The following NCAPG variants were observed in gnomAD, a reference collection of about 807,000 sequenced individuals.
The protein encoded by NCAPG is condensin complex subunit 3.
In NCAPG, 69 loss-of-function variants were observed where a neutral mutation model predicts 113.1. The ratio of observed to expected loss-of-function variants is 0.61; its 90% CI spans 0.50 to 0.75. The LOEUF (loss-of-function observed/expected upper bound fraction) is 0.75. Among genes scored for constraint, NCAPG ranks in the 30% least tolerant of loss-of-function variants. NCAPG has a pLI of 0.00. For synonymous variants in NCAPG, 370 were observed against 415.8 expected, an observed-to-expected ratio of 0.89 and a Z score of 1.34; for missense variants, 1,058 against 1,177.0, an observed-to-expected ratio of 0.90 and a Z score of 1.48.
At chr4:17,816,514 C>T (rs1209407457) in intron 5 of NCAPG, among the ~76,000 whole-genome samples, 4 of 152,158 alleles carry the variant, frequency 2.6e-5, no homozygotes, top group Non-Finnish European at 4.4e-5. Context: ...AGTGAGAAAA[C>T]CGACTTGCGT....
At chr4:17,827,038 C>G (rs1393325692) in intron 11 of NCAPG, among the ~76,000 whole-genome samples, 2 of 152,170 alleles carry the variant, frequency 1.3e-5, no homozygotes, top group Non-Finnish European at 2.9e-5. Flanking sequence ...AGAAGTGGCT[C>G]TAGACTTGTG....
intron 19 of NCAPG, 129 bp from the exon 20 acceptor site, chr4:17,842,181 C>A: frequency 1.5e-6 from 1 of 688,856 alleles, no homozygotes; most frequent in Non-Finnish European, 2.5e-6. Flanking sequence ...ATGGCTAGAA[C>A]AAGTAGGAGA....
chr4:17,820,957 C>A lies in NCAPG; in HGVS notation c.1119-2026C>A, dbSNP rs948766477. On this transcript the variant is annotated intron_variant, in intron 7 of 20. Coordinates refer to ENST00000251496, the MANE Select transcript of NCAPG (RefSeq NM_022346.5). ...TTGAAAGCCATCTTAAATATAAATT[C>A]TTAGACTTTAAAATACTTTCTTGAG... 3.3e-5 allele frequency among the ~76,000 whole-genome samples: 5 copies of A among 152,088 alleles called. No individual in the cohort carries two copies. In the East Asian group the frequency reaches 9.6e-4, roughly 29 times the overall value.
At chr4:17,839,968 C>T (rs954025532) in intron 17 of NCAPG, 103 bp from the exon 18 acceptor site, 37 of 1,449,900 alleles carry the variant, frequency 2.6e-5, no homozygotes, top group Non-Finnish European at 3.3e-5. Flanking sequence ...TCATAAATTT[C>T]ATATAATTTA....
chr4:17,819,133 A>G (rs1721342611), intron 7 of NCAPG, among the ~76,000 whole-genome samples: 2 of 151,912 alleles, frequency 1.3e-5, no homozygotes, highest in African/African-American at 4.8e-5. Flanking sequence ...ATATTGGTGC[A>G]TATATAATGT....
chr4:17,837,314 C>A lies in NCAPG; in HGVS notation c.2265C>A (p.Phe755Leu). The A allele has an allele frequency of 6.2e-7, 1 of 1,613,508 alleles. No individual in the cohort carries two copies. Among genetic ancestry groups the A allele is most frequent in the Non-Finnish European group, 8.5e-7 (1 of 1,179,776 alleles). The part of the protein sequence containing the change: ...DVQLRHCLGV[F>L]FPVFAYASRT... ...AACTTCGACATTGCCTAGGCGTGTT[C>A]TTCCCCGTGTTTGCTTATGCAAGCA... Residue 755 changes from phenylalanine to leucine, a missense_variant, in exon 15 of 21, where the codon TTC becomes TTA. Transcript: ENST00000251496.
Position 17,840,540 on chromosome 4 carries a change from A to C in NCAPG, c.2768-67A>C, listed in dbSNP as rs73802704. 9.2e-4 allele frequency: 929 copies of C among 1,007,038 alleles called. 5 individuals are homozygous for C. The African/African-American group carries it at 0.012, about 14-fold the overall frequency. The allele number at this position is 1,007,038 out of a possible 1,614,324, so 62.4% of individuals were successfully genotyped here. A position where few individuals can be genotyped will look rare whatever the true frequency, so the allele number is the denominator to read the frequency against. ...TTTCAGTTTTATAAAAACTGGTCTTAAAAAGACAATTTAAAATATTTCATG... is the reference window on the plus strand; with the variant it reads ...TTTCAGTTTTATAAAAACTGGTCTTCAAAAGACAATTTAAAATATTTCATG... On this transcript the variant is annotated intron_variant, in intron 18 of 20. Coordinates refer to ENST00000251496, the MANE Select transcript of NCAPG (RefSeq NM_022346.5).
rs117130142 is a variant in NCAPG at position 17,838,497 on chromosome 4, G to A, written c.2466+696G>A. 6.2e-4 allele frequency among the ~76,000 whole-genome samples: 95 copies of A among 152,296 alleles called. 2 individuals are homozygous for A. In the East Asian group the frequency reaches 0.018, roughly 28 times the overall value. ...TTAAGCACTTCATGACTTGAGACAA[G>A]GGCAAGAGTCATGTGGTAGGAATGA... On this transcript the variant is annotated intron_variant, in intron 16 of 20. Coordinates refer to ENST00000251496, the MANE Select transcript of NCAPG (RefSeq NM_022346.5).
rs752155188 is a variant in NCAPG at position 17,840,181 on chromosome 4, G to C, written c.2739G>C (p.Leu913Phe). Residue 913 changes from leucine to phenylalanine, a missense_variant, in exon 18 of 21, where the codon TTG becomes TTC. Coordinates refer to ENST00000251496, the MANE Select transcript of NCAPG (RefSeq NM_022346.5). ...CTGAAGCAGCACAGGATGCCACCTTGACTACAACTACTTTCCAAAATGAAG... is the reference window on the plus strand; with the variant it reads ...CTGAAGCAGCACAGGATGCCACCTTCACTACAACTACTTTCCAAAATGAAG... ...DQAEAAQDATLTTTTFQNEDE... is the reference protein window; with the variant it reads ...DQAEAAQDATFTTTTFQNEDE... 3 of 1,605,138 alleles carry C rather than the reference G, an allele frequency of 1.9e-6. No individual in the cohort carries two copies. The highest frequency in any genetic ancestry group is 2.5e-6 in the Non-Finnish European group (3 of 1,176,752).
At position 17,825,410 on chromosome 4, in the gene NCAPG, A is replaced by C; in HGVS notation, c.1502A>C (p.Glu501Ala). Reference sequence around the variant, plus strand: ...GCTGAAATAAAAGTTAAGCTTATCGAAGCCAAAGAAGCTTTGGAAAATTGC... The same window carrying C: ...GCTGAAATAAAAGTTAAGCTTATCGCAGCCAAAGAAGCTTTGGAAAATTGC... ...KMAEIKVKLI[E>A]AKEALENCIT... Residue 501 changes from glutamate to alanine, a missense_variant, in exon 11 of 21, where the codon GAA (glutamate) becomes GCA (alanine). Transcript: ENST00000251496. The C allele has an allele frequency of 6.3e-7, 1 of 1,590,918 alleles. No individual in the cohort carries two copies. Among genetic ancestry groups the C allele is most frequent in the Non-Finnish European group, 8.5e-7 (1 of 1,174,394 alleles).
chr4:17,819,714 A>T (rs1007387314), intron 7 of NCAPG, among the ~76,000 whole-genome samples: 21 of 152,170 alleles, frequency 1.4e-4, no homozygotes, highest in Non-Finnish European at 2.6e-4. Context: ...GTATTTTTTT[A>T]AAAAAGCTTC....
rs371528947 is a variant in NCAPG at position 17,834,370 on chromosome 4, C to T, written c.1956C>T (p.Phe652=). ...LKAIFDQLMT[F]GIEPFKTKKI... ...CAATCTTTGACCAACTGATGACGTT[C>T]GGGATTGAACCATTTAAAACTAAAA... is the stretch of plus-strand genomic sequence containing the variant. Residue 652 remains phenylalanine (F), a synonymous_variant, in exon 14 of 21, where the codon TTC becomes TTT. Coordinates refer to ENST00000251496, the MANE Select transcript of NCAPG (RefSeq NM_022346.5). 3.4e-5 allele frequency: 55 copies of T among 1,607,478 alleles called. No individual in the cohort carries two copies. The Admixed American group carries it at 4.9e-4, about 14-fold the overall frequency.
At chr4:17,817,172 TACTG>T (rs781150057) in intron 5 of NCAPG, 85 bp from the exon 6 acceptor site, 1 of 898,256 alleles carries the variant, frequency 1.1e-6, no homozygotes. Flanking sequence ...CTATTGTAAA[TACTG>T]ACTTTGTTAA....
intron 5 of NCAPG, 143 bp from the exon 6 acceptor site, chr4:17,817,116 AAT>A (rs530778761): frequency 1.0e-5 from 6 of 573,430 alleles, no homozygotes; most frequent in Admixed American, 3.4e-5. Flanking sequence ...TGTCTCAAAA[AAT>A]ATATATATAC....
rs754475237 is a variant in NCAPG, at chr4:17,831,025, C to T, written c.1793C>T (p.Pro598Leu). ...LILPGIISIH[P>L]VVRNLAVLCL... ...CTTCCTGGAATAATAAGTATTCATC[C>T]TGTTGTAAGAAACCTGGCTGTTTTA... The change falls in exon 13 of 21, where the codon CCT (proline) becomes CTT (leucine). Residue 598 changes from proline (P) to leucine (L), a missense_variant. By Grantham distance (98) the Pro-to-Leu change is moderately conservative (BLOSUM62 -3). Transcript: ENST00000251496. The T allele has an allele frequency of 1.2e-6, 2 of 1,612,804 alleles. No individual in the cohort carries two copies. Among genetic ancestry groups the T allele is most frequent in the Admixed American group, 3.3e-5 (2 of 59,884 alleles).
intron 7 of NCAPG, among the ~76,000 whole-genome samples, chr4:17,821,483 AGAC>A (rs1423390521): frequency 8.0e-6 from 1 of 125,290 alleles, no homozygotes; most frequent in Non-Finnish European, 1.6e-5. Context: ...TTTTTTTAAG[AGAC>A]GTAGTCTTGC....
At chr4:17,842,269 A>T in intron 19 of NCAPG, 41 bp from the exon 20 acceptor site, 1 of 1,569,618 alleles carries the variant, frequency 6.4e-7, no homozygotes, top group South Asian at 1.1e-5. Flanking sequence ...ACAAAAAGCA[A>T]CTGATAATAA....
At chr4:17,813,697 T>C (rs565181547) in intron 3 of NCAPG, among the ~76,000 whole-genome samples, 1 of 152,278 alleles carries the variant, frequency 6.6e-6, no homozygotes, top group East Asian at 1.9e-4. Context: ...CCCTTTGGGG[T>C]ATCTTTTTTT....
intron 11 of NCAPG, 106 bp downstream of exon 11, chr4:17,825,667 A>G (rs1721633588): frequency 1.0e-6 from 1 of 1,003,088 alleles, no homozygotes; most frequent in African/African-American, 1.7e-5. Flanking sequence ...TACTTTGAGC[A>G]CTTTGTAATA....
Sources: allele counts gnomAD v4.1 joint callset (sites outside exome capture counted in the v4.1 genomes callset), GRCh38; gene constraint gnomAD v4.1.1; transcripts MANE v1.5; gene names NCBI Gene and HGNC (gene_info 2026-07-23, HGNC 2026-07-21).